FAM81A: variants seen among roughly 807,000 people sequenced by gnomAD.
FAM81A encodes the protein protein FAM81A.
Under a neutral mutation model 46.7 loss-of-function variants are expected in FAM81A, and 19 were observed. The observed-to-expected ratio is 0.41, with a 90% confidence interval of 0.28 to 0.60. The LOEUF is 0.60. Ranked by LOEUF, FAM81A falls within the 20% of genes least tolerant of loss-of-function variation. FAM81A has a pLI of 0.34. For synonymous variants in FAM81A, 183 were observed against 152.9 expected (o/e 1.20, Z -1.45); for missense variants, 377 against 453.5 (o/e 0.83, Z 1.53).
intron 4 of FAM81A, among the ~76,000 whole-genome samples, chr15:59,500,318 A>G (rs1031692071): frequency 1.3e-5 from 2 of 151,324 alleles, no homozygotes; most frequent in Non-Finnish European, 2.9e-5. Context: ...CTTTCCTTTG[A>G]GTTGGAGTCT....
chr15:59,439,373 T>C (rs1356411850), intron 1 of FAM81A, among the ~76,000 whole-genome samples: 3 of 151,370 alleles, frequency 2.0e-5, no homozygotes, highest in Non-Finnish European at 4.4e-5. Flanking sequence ...GCCCTGTCAC[T>C]GAATGCGCGT....
Position 59,455,521 on chromosome 15 carries a change from A to G in FAM81A, c.-77-3029A>G, listed in dbSNP as rs758137885. ...TAATCCTGTGACTTATTCATTATCA[A>G]TCTTTATTCATCTGCAATATAGATT... is the stretch of plus-strand genomic sequence containing the variant. On this transcript the variant is annotated intron_variant, in intron 1 of 8. Transcript: ENST00000288228. Among the ~76,000 whole-genome samples the G allele has an allele frequency of 6.6e-5, 10 of 152,326 alleles. No individual in the cohort carries two copies. The East Asian group carries it at 7.7e-4, about 12-fold the overall frequency.
At chr15:59,491,812 A>G (rs1248497127) in intron 3 of FAM81A, among the ~76,000 whole-genome samples, 4 of 152,124 alleles carry the variant, frequency 2.6e-5, no homozygotes, top group African/African-American at 7.2e-5. Context: ...TTAAAAATGC[A>G]AAACTTAGCC....
chr15:59,423,790 G>A (rs1164690387), intron 2 of FAM81A, among the ~76,000 whole-genome samples: 1 of 152,054 alleles, frequency 6.6e-6, no homozygotes, highest in Non-Finnish European at 1.5e-5. Flanking sequence ...ATTACTCACG[G>A]GTCAGGATTT....
intron 1 of FAM81A, chr15:59,401,167 G>A (rs947776715): frequency 1.3e-6 from 1 of 757,478 alleles, no homozygotes; most frequent in South Asian, 1.4e-5. Context: ...TCACAGTAAT[G>A]GCAGTTTTTT....
intron 1 of FAM81A, among the ~76,000 whole-genome samples, chr15:59,449,817 T>C (rs1382966559): frequency 2.0e-5 from 3 of 150,032 alleles, no homozygotes; most frequent in Non-Finnish European, 3.0e-5. Flanking sequence ...AAAAATGACA[T>C]TGTATAGTGT....
At chr15:59,418,061 G>A (rs375162057) in intron 2 of FAM81A, among the ~76,000 whole-genome samples, 6 of 152,168 alleles carry the variant, frequency 3.9e-5, no homozygotes, top group African/African-American at 1.4e-4. Flanking sequence ...TGAGAATGAT[G>A]GTTTCCAGTT....
intron 3 of FAM81A, among the ~76,000 whole-genome samples, chr15:59,474,053 G>T (rs902156382): frequency 2.2e-4 from 34 of 152,272 alleles, no homozygotes; most frequent in Middle Eastern, 6.8e-3. Context: ...ATTTTAGGAA[G>T]CCCTCCTTGC....
At chr15:59,437,105 A>C (rs952816174), upstream of FAM81A, among the ~76,000 whole-genome samples, 1 of 152,212 alleles carries the variant, frequency 6.6e-6, no homozygotes, top group African/African-American at 2.4e-5. Context: ...AATACCCACA[A>C]ATATTTCAAA....
intron 2 of FAM81A, among the ~76,000 whole-genome samples, chr15:59,406,482 TA>T (rs1293893286): frequency 6.6e-6 from 1 of 152,220 alleles, no homozygotes; most frequent in Non-Finnish European, 1.5e-5. Context: ...ACACTAACTT[TA>T]AAACAACATC....
intron 2 of FAM81A, among the ~76,000 whole-genome samples, chr15:59,417,036 G>T (rs543051626): frequency 4.6e-5 from 7 of 152,192 alleles, no homozygotes; most frequent in African/African-American, 1.7e-4. Flanking sequence ...TGAAGAGGAT[G>T]ATGGGGGCTG....
At chr15:59,475,200 A>G (rs1245766181) in intron 3 of FAM81A, among the ~76,000 whole-genome samples, 5 of 151,604 alleles carry the variant, frequency 3.3e-5, no homozygotes, top group Non-Finnish European at 5.9e-5. Context: ...GCTGGAGTGC[A>G]GTCGTGTGAT....
intron 1 of FAM81A, chr15:59,402,109 A>T: frequency 2.4e-6 from 1 of 415,550 alleles, no homozygotes. Context: ...GCCTGACAGG[A>T]GAGTGATTTT....
intron 6 of FAM81A, among the ~76,000 whole-genome samples, chr15:59,513,756 G>T (rs2082237748): frequency 6.6e-6 from 1 of 152,094 alleles, no homozygotes; most frequent in Admixed American, 6.5e-5. Flanking sequence ...ACATCATTCA[G>T]TTACAAAGAT....
intron 2 of FAM81A, 59 bp downstream of exon 2, chr15:59,458,705 A>C: frequency 6.7e-7 from 1 of 1,494,060 alleles, no homozygotes; most frequent in Non-Finnish European, 9.3e-7. Context: ...ATAGTTACAA[A>C]TCAAAGCTTG....
intron 2 of FAM81A, among the ~76,000 whole-genome samples, chr15:59,431,628 T>G (rs527985309): frequency 7.8e-4 from 119 of 151,832 alleles, no homozygotes; most frequent in African/African-American, 2.7e-3. Context: ...ACCGCCCCAG[T>G]AGCTGGGATT....
At chr15:59,461,551 G>A (rs1299014117) in intron 3 of FAM81A, among the ~76,000 whole-genome samples, 2 of 152,114 alleles carry the variant, frequency 1.3e-5, no homozygotes, top group Non-Finnish European at 2.9e-5. Context: ...GAACTCCTGG[G>A]CTCAAGCAAT....
At chr15:59,484,602 C>T (rs1452092311) in intron 3 of FAM81A, among the ~76,000 whole-genome samples, 3 of 152,146 alleles carry the variant, frequency 2.0e-5, no homozygotes, top group Non-Finnish European at 4.4e-5. Context: ...GAATGCAGGG[C>T]AGCCAACCAG....
At chr15:59,455,051 C>T (rs1256510638) in intron 1 of FAM81A, among the ~76,000 whole-genome samples, 2 of 150,760 alleles carry the variant, frequency 1.3e-5, no homozygotes, top group Admixed American at 1.3e-4. Context: ...GTGTGTGCCA[C>T]CACACCTGGC....
Sources: allele counts gnomAD v4.1 joint callset (sites outside exome capture counted in the v4.1 genomes callset), GRCh38; gene constraint gnomAD v4.1.1; transcripts MANE v1.5; gene names NCBI Gene and HGNC (gene_info 2026-07-23, HGNC 2026-07-21).